ASCC1: variants seen among roughly 807,000 people sequenced by gnomAD.
ASCC1 encodes the protein activating signal cointegrator 1 complex subunit 1, also known as ASC-1 complex subunit P50.
ASCC1 carries 35 observed loss-of-function variants against 46.6 expected under a neutral mutation model. The ratio of observed to expected loss-of-function variants is 0.75; its 90% CI spans 0.57 to 0.99. The LOEUF (loss-of-function observed/expected upper bound fraction) is 0.99. ASCC1 is among the 50% of genes least tolerant of loss of function. ASCC1 has a pLI of 0.00. For missense variants in ASCC1, 376 were observed against 428.7 expected, an observed-to-expected ratio of 0.88 and a Z score of 1.09; for synonymous variants, 143 against 146.6, an observed-to-expected ratio of 0.98 and a Z score of 0.18.
Position 72,096,930 on chromosome 10 carries a change from G to A in ASCC1, c.*404C>T, listed in dbSNP as rs1012669647. 2.2e-6 allele frequency: 1 copy of A among 454,172 alleles called. No individual in the cohort carries two copies. Among genetic ancestry groups the A allele is most frequent in the African/African-American group, 2.0e-5 (1 of 50,006 alleles). 28.1% of individuals were successfully genotyped at this position (454,172 alleles called of 1,614,324 possible). On this transcript the variant is annotated 3_prime_UTR_variant, in exon 10 of 10. Transcript: ENST00000672957. Reference sequence around the variant, plus strand: ...GGAGGAGTGGGAATTACTGTTTAATGGGTACAGTTTCCATTTTACAAGCTG... The same window carrying A: ...GGAGGAGTGGGAATTACTGTTTAATAGGTACAGTTTCCATTTTACAAGCTG...
At chr10:72,151,722 C>T (rs1848360159) in intron 7 of ASCC1, among the ~76,000 whole-genome samples, 1 of 151,648 alleles carries the variant, frequency 6.6e-6, no homozygotes, top group South Asian at 2.1e-4. Flanking sequence ...CGGAGTCTCG[C>T]TCTGTCACCA....
At chr10:72,124,723 CTTTTTTT>C (rs34682603) in intron 9 of ASCC1, among the ~76,000 whole-genome samples, 6 of 118,656 alleles carry the variant, frequency 5.1e-5, no homozygotes, top group South Asian at 2.7e-4. Context: ...CAAACAACAT[CTTTTTTT>C]TTTTTTTTTT....
At position 72,185,280 on chromosome 10, in the gene ASCC1, A is replaced by G. The variant is rs183055343; in HGVS notation, c.489+11531T>C. ...CCAACAATTACACTATTAAGTATTT[A>G]CCCAAGAGGTATAAAAACATATACT... On this transcript the variant is annotated intron_variant, in intron 5 of 9. Coordinates refer to ENST00000672957, the MANE Select transcript of ASCC1 (RefSeq NM_001198800.3). 3.9e-4 allele frequency among the ~76,000 whole-genome samples: 60 copies of G among 152,324 alleles called. No homozygotes were observed. In the East Asian group the frequency reaches 6.2e-3, roughly 16 times the overall value.
chr10:72,175,898 C>A lies in ASCC1; in HGVS notation c.490-14224G>T, dbSNP rs77265471. ...TCTCACGTTTCTGATGGGTTAACAG[C>A]GCAAGAGAGATCTGTTGCTGCTTCT... On this transcript the variant is annotated intron_variant, in intron 5 of 9. Transcript: ENST00000672957. 8.4e-3 allele frequency among the ~76,000 whole-genome samples: 1,285 copies of A among 152,332 alleles called. 20 individuals carry two copies. The highest frequency in any genetic ancestry group is 0.029 in the African/African-American group (1,207 of 41,562).
chr10:72,206,980 C>A (rs1857310033), intron 3 of ASCC1, among the ~76,000 whole-genome samples: 1 of 152,132 alleles, frequency 6.6e-6, no homozygotes, highest in Non-Finnish European at 1.5e-5. Flanking sequence ...TCTTCCCCAG[C>A]CTCTCTAACA....
chr10:72,137,006 T>C (rs1310225816), intron 7 of ASCC1, among the ~76,000 whole-genome samples: 1 of 151,900 alleles, frequency 6.6e-6, no homozygotes, highest in Non-Finnish European at 1.5e-5. Context: ...CGCGGCCTCA[T>C]TCTTGAAGTC....
intron 7 of ASCC1, among the ~76,000 whole-genome samples, chr10:72,137,572 A>G (rs1170003122): frequency 1.3e-5 from 2 of 151,782 alleles, no homozygotes; most frequent in Admixed American, 1.3e-4. Context: ...AAAAACGAAA[A>G]ACAACTAAAA....
At chr10:72,178,804 C>G (rs1478348019) in intron 5 of ASCC1, among the ~76,000 whole-genome samples, 1 of 152,118 alleles carries the variant, frequency 6.6e-6, no homozygotes, top group Admixed American at 6.6e-5. Flanking sequence ...TAAACTATAA[C>G]CTGATATTTC....
At position 72,206,141 on chromosome 10, in the gene ASCC1, A is replaced by T. The variant is rs574937085; in HGVS notation, c.213-2617T>A. Among the ~76,000 whole-genome samples the T allele has an allele frequency of 8.0e-5, 12 of 149,750 alleles. No individual in the cohort carries two copies. The East Asian group carries it at 2.2e-3, about 27-fold the overall frequency. On this transcript the variant is annotated intron_variant, in intron 3 of 9. Coordinates refer to ENST00000672957, the MANE Select transcript of ASCC1 (RefSeq NM_001198800.3). ...AAAAAGAGGCCAGGCATGGTGGCTC[A>T]CGCCTGTAATCCCTGTGCTTTGGAA...
rs113569227 is a variant in ASCC1, at chr10:72,133,181, C to A, written c.747G>T (p.Arg249Ser). The change falls in exon 8 of 10, where the codon AGG (arginine) becomes AGT (serine). Residue 249 changes from arginine (R) to serine (S), a missense_variant and splice_region_variant. Arg to Ser is a moderately radical substitution (Grantham distance 110). Transcript: ENST00000672957. The stretch of plus-strand genomic sequence containing the variant: ...GCACTCGATCAACTAATTCTTGTAG[C>A]CTGGAGAAATTGGAGAAAAGTAATG... ...AKVHMKDGSN[R>S]LQELVDRVLE... The A allele has an allele frequency of 1.5e-4, 241 of 1,614,036 alleles. 2 individuals are homozygous for A. The African/African-American group carries it at 2.8e-3, about 19-fold the overall frequency.
chr10:72,206,188 T>C lies in ASCC1; in HGVS notation c.213-2664A>G, dbSNP rs572238274. Among the ~76,000 whole-genome samples, 3 of 151,776 alleles carry C rather than the reference T, an allele frequency of 2.0e-5. No individual in the cohort carries two copies. The East Asian group carries it at 5.8e-4, about 29-fold the overall frequency. ...GGAAGGCTGAGGCGGGTGGATCACC[T>C]GAGGTCAGGAGTTGGAAACCAGCCT... is the stretch of plus-strand genomic sequence containing the variant. On this transcript the variant is annotated intron_variant, in intron 3 of 9. Coordinates refer to ENST00000672957, the MANE Select transcript of ASCC1 (RefSeq NM_001198800.3).
chr10:72,165,804 A>G (rs930366229), intron 5 of ASCC1, among the ~76,000 whole-genome samples: 37 of 152,314 alleles, frequency 2.4e-4, no homozygotes, highest in African/African-American at 7.9e-4. Context: ...TCTCTAACCC[A>G]TGGCCTGCCA....
chr10:72,152,985 A>G lies in ASCC1; in HGVS notation c.630T>C (p.Asp210=), dbSNP rs1008412865. The change falls in exon 7 of 10, where the codon GAT becomes GAC. Residue 210 remains aspartate (D), a synonymous_variant. Coordinates refer to ENST00000672957, the MANE Select transcript of ASCC1 (RefSeq NM_001198800.3). ...LQQCKEEFIN[D]ISGGKPLEVE... is the part of the protein sequence containing the mutation. ...CTTCTAGGGGTTTACCCCCAGAAAT[A>G]TCACTGCAAAGGAAAAAGCATTAAG... The G allele has an allele frequency of 1.9e-6, 3 of 1,614,142 alleles. No homozygotes were observed. Among genetic ancestry groups the G allele is most frequent in the African/African-American group, 2.7e-5 (2 of 75,066 alleles).
In ASCC1 at chr10:72,122,265, A is replaced by G. The variant is rs553306584; in HGVS notation, c.957+5817T>C. 2.0e-5 allele frequency among the ~76,000 whole-genome samples: 3 copies of G among 152,232 alleles called. No homozygotes were observed. In the South Asian group the frequency reaches 6.2e-4, roughly 32 times the overall value. On this transcript the variant is annotated intron_variant, in intron 9 of 9. Coordinates refer to ENST00000672957, the MANE Select transcript of ASCC1 (RefSeq NM_001198800.3). ...GAAACCCCATCTCTACTGAAAATAC[A>G]AAAAGTAGCTGGGTGTGGTGGCACA...
intron 8 of ASCC1, among the ~76,000 whole-genome samples, chr10:72,128,494 T>C (rs7906133): frequency 0.025 from 3,856 of 152,304 alleles, 191 homozygotes; most frequent in African/African-American, 0.088. Context: ...ATTGACAAAG[T>C]GAGAGGCAGG....
intron 9 of ASCC1, among the ~76,000 whole-genome samples, chr10:72,119,720 A>T (rs1353517263): frequency 6.8e-6 from 1 of 146,182 alleles, no homozygotes; most frequent in Non-Finnish European, 1.5e-5. Context: ...TAGTAAAAGG[A>T]AAAAAAAAAA....
chr10:72,124,422 C>T (rs1213909115), intron 9 of ASCC1, among the ~76,000 whole-genome samples: 1 of 152,194 alleles, frequency 6.6e-6, no homozygotes, highest in African/African-American at 2.4e-5. Context: ...ATCACCTTCT[C>T]TGATGAGTAC....
At chr10:72,212,576 G>A (rs951237657) in intron 2 of ASCC1, among the ~76,000 whole-genome samples, 10 of 152,066 alleles carry the variant, frequency 6.6e-5, no homozygotes, top group South Asian at 2.1e-4. Flanking sequence ...GGCCAAGTGC[G>A]GTAGCTCATG....
At position 72,136,644 on chromosome 10, in the gene ASCC1, T is replaced by C. The variant is rs142690299; in HGVS notation, c.747-3463A>G. ...ACCCAAGCCAGCAGCAGCAACCCAC[T>C]TGGGTCCCCCTTCCATGCTGTGGAA... is the stretch of plus-strand genomic sequence containing the variant. On this transcript the variant is annotated intron_variant, in intron 7 of 9. Transcript: ENST00000672957. Among the ~76,000 whole-genome samples, 1,426 of 152,298 alleles carry C rather than the reference T, an allele frequency of 9.4e-3. 6 individuals are homozygous for C. Among genetic ancestry groups the C allele is most frequent in the Non-Finnish European group, 0.016 (1,111 of 68,024 alleles).
Sources: allele counts gnomAD v4.1 joint callset (sites outside exome capture counted in the v4.1 genomes callset), GRCh38; gene constraint gnomAD v4.1.1; transcripts MANE v1.5; gene names NCBI Gene and HGNC (gene_info 2026-07-23, HGNC 2026-07-21).